Variants in PELI1 observed in about 807,000 individuals in gnomAD.
PELI1 encodes the protein E3 ubiquitin-protein ligase pellino homolog 1.
A neutral mutation model predicts 41.3 loss-of-function variants in PELI1; 15 were observed. That is an observed-to-expected ratio of 0.36 (90% CI 0.24 to 0.56). The LOEUF (loss-of-function observed/expected upper bound fraction) is 0.56. PELI1 is among the 20% of genes least tolerant of loss of function. PELI1 has a pLI of 0.82. For missense variants in PELI1, 403 were observed against 525.5 expected (o/e 0.77, Z 2.28); for synonymous variants, 178 against 180.1 (o/e 0.99, Z 0.09).
intron 1 of PELI1, among the ~76,000 whole-genome samples, chr2:64,140,514 T>A (rs1025492524): frequency 6.6e-6 from 1 of 152,130 alleles, no homozygotes; most frequent in African/African-American, 2.4e-5. Flanking sequence ...AACTACCAGA[T>A]GAAGCTCTCT....
intron 2 of PELI1, among the ~76,000 whole-genome samples, chr2:64,106,937 A>AT (rs1380255269): frequency 1.3e-5 from 2 of 152,030 alleles, no homozygotes; most frequent in Admixed American, 6.6e-5. Flanking sequence ...CTTTTTTCTC[A>AT]TTTTTTTCGA....
chr2:64,141,034 C>T (rs980805194), intron 1 of PELI1, among the ~76,000 whole-genome samples: 2 of 152,030 alleles, frequency 1.3e-5, no homozygotes, highest in Non-Finnish European at 2.9e-5. Flanking sequence ...ATTTACTTTG[C>T]CTGTGTAATA....
At chr2:64,110,094 A>G (rs542188750) in intron 1 of PELI1, among the ~76,000 whole-genome samples, 1 of 152,090 alleles carries the variant, frequency 6.6e-6, no homozygotes, top group East Asian at 1.9e-4. Context: ...AAAATACAAA[A>G]ATTAGCCAGG....
rs1213474734 is a variant in PELI1, at chr2:64,094,680, A to T, written c.*22T>A. 1 of 1,560,196 alleles carries T rather than the reference A, an allele frequency of 6.4e-7. No homozygotes were observed. The highest frequency in any genetic ancestry group is 2.2e-5 in the East Asian group (1 of 44,536). On this transcript the variant is annotated 3_prime_UTR_variant, in exon 7 of 7. Transcript: ENST00000358912. Reference sequence around the variant, plus strand: ...CACTTAGCTTATAAATTTATAATGTAGTCCTGCAAGACAATGGTCTGTTAG... The same window carrying T: ...CACTTAGCTTATAAATTTATAATGTTGTCCTGCAAGACAATGGTCTGTTAG...
intron 1 of PELI1, among the ~76,000 whole-genome samples, chr2:64,133,449 T>TTA (rs773065333): frequency 4.8e-4 from 73 of 152,066 alleles, no homozygotes; most frequent in Non-Finnish European, 8.2e-4. Context: ...AGAATGGCAA[T>TTA]TATATATATA....
chr2:64,102,429 C>T (rs13032018), intron 3 of PELI1, among the ~76,000 whole-genome samples: 1 of 152,054 alleles, frequency 6.6e-6, no homozygotes, highest in Non-Finnish European at 1.5e-5. Flanking sequence ...TGGCTATTTA[C>T]AGGCAGGAAA....
At chr2:64,100,885 C>CCACCACGT (rs1426157210) in intron 3 of PELI1, among the ~76,000 whole-genome samples, 1 of 152,002 alleles carries the variant, frequency 6.6e-6, no homozygotes, top group Non-Finnish European at 1.5e-5. Context: ...CGCTGCCACG[C>CCACCACGT]CTGGCTAATT....
rs1682039479 is a variant in PELI1 at position 64,144,364 on chromosome 2, G to T, written c.-353C>A. 1 of 151,026 alleles carries T rather than the reference G, an allele frequency of 6.6e-6. No homozygotes were observed. The highest frequency in any genetic ancestry group is 7.0e-5 in the Admixed American group (1 of 14,298). 9.4% of individuals were successfully genotyped at this position (151,026 alleles called of 1,614,324 possible). On this transcript the variant is annotated 5_prime_UTR_variant, in exon 1 of 7. Coordinates refer to ENST00000358912, the MANE Select transcript of PELI1 (RefSeq NM_020651.4). ...AGGGCTGCTGCCGCTGCTGCTAGTG[G>T]AGGCGGCGGCGGCGCCCCCCGACGG...
At chr2:64,134,797 AG>A (rs1423135893) in intron 1 of PELI1, among the ~76,000 whole-genome samples, 1 of 152,202 alleles carries the variant, frequency 6.6e-6, no homozygotes, top group East Asian at 1.9e-4. Context: ...GCCAAGAACC[AG>A]GAATTCAACA....
intron 1 of PELI1, among the ~76,000 whole-genome samples, chr2:64,121,906 CAAA>C (rs75975996): frequency 5.4e-5 from 4 of 74,144 alleles, no homozygotes; most frequent in Admixed American, 1.3e-4. Context: ...ACTCCGTCTT[CAAA>C]AAAAAAAAAA....
At chr2:64,102,580 A>G (rs1033495857) in intron 3 of PELI1, among the ~76,000 whole-genome samples, 7 of 152,174 alleles carry the variant, frequency 4.6e-5, no homozygotes, top group African/African-American at 1.7e-4. Context: ...CAGTATTTTG[A>G]AAATTAATTC....
intron 1 of PELI1, among the ~76,000 whole-genome samples, chr2:64,128,265 A>T (rs368537471): frequency 1.3e-5 from 2 of 152,228 alleles, no homozygotes; most frequent in East Asian, 3.9e-4. Context: ...GTGCTAGGAG[A>T]CTAATATGAA....
At chr2:64,142,592 T>TA (rs1157861466) in intron 1 of PELI1, among the ~76,000 whole-genome samples, 4 of 151,854 alleles carry the variant, frequency 2.6e-5, no homozygotes, top group South Asian at 2.1e-4. Flanking sequence ...TTGGTATAAA[T>TA]AAAAAAAACA....
intron 1 of PELI1, among the ~76,000 whole-genome samples, chr2:64,119,635 A>G (rs1681140660): frequency 6.6e-6 from 1 of 152,148 alleles, no homozygotes; most frequent in Non-Finnish European, 1.5e-5. Context: ...CCTCCTCCCT[A>G]AGGAAGTCTG....
chr2:64,096,389 T>A lies in PELI1; in HGVS notation c.501+24A>T, dbSNP rs575042454. On this transcript the variant is annotated intron_variant, in intron 5 of 6. Coordinates refer to ENST00000358912, the MANE Select transcript of PELI1 (RefSeq NM_020651.4). ...ATGAAAGCTAGTATAAAAGAAAGCATCATTTAGAAAAAAAGCTTTTTACCC... is the reference window on the plus strand; with the variant it reads ...ATGAAAGCTAGTATAAAAGAAAGCAACATTTAGAAAAAAAGCTTTTTACCC... 4 of 1,597,858 alleles carry A rather than the reference T, an allele frequency of 2.5e-6. No homozygotes were observed. The African/African-American group carries it at 5.4e-5, about 21-fold the overall frequency.
chr2:64,108,131 T>C (rs1680682394), intron 2 of PELI1, 109 bp downstream of exon 2: 2 of 644,598 alleles, frequency 3.1e-6, no homozygotes, highest in African/African-American at 1.8e-5. Context: ...TAAATTCTTT[T>C]TGGAAGCAGG....
At chr2:64,135,540 A>G (rs768254949) in intron 1 of PELI1, among the ~76,000 whole-genome samples, 5 of 152,196 alleles carry the variant, frequency 3.3e-5, no homozygotes, top group Non-Finnish European at 7.4e-5. Flanking sequence ...AACGCTGTTG[A>G]AGAGCAATAG....
intron 1 of PELI1, among the ~76,000 whole-genome samples, chr2:64,136,339 G>C (rs1313954321): frequency 6.6e-6 from 1 of 152,152 alleles, no homozygotes; most frequent in African/African-American, 2.4e-5. Context: ...GCTCAGCCCT[G>C]ATAGTATGTG....
chr2:64,139,741 T>C (rs1027821308), intron 1 of PELI1, among the ~76,000 whole-genome samples: 5 of 152,348 alleles, frequency 3.3e-5, no homozygotes, highest in Admixed American at 1.3e-4. Context: ...AAACACTGAA[T>C]GTATTTGGCA....
Sources: gnomAD v4.1 joint callset for allele counts (sites outside exome capture counted in the v4.1 genomes callset) on GRCh38, gnomAD v4.1.1 for gene constraint, MANE v1.5 for transcripts, NCBI Gene and HGNC (gene_info 2026-07-23, HGNC 2026-07-21) for gene names.